CARMIL3: variants seen among roughly 807,000 people sequenced by gnomAD.
CARMIL3 encodes the protein capping protein regulator and myosin 1 linker 3.
CARMIL3 carries 88 observed loss-of-function variants against 180.8 expected under a neutral mutation model. That is an observed-to-expected ratio of 0.49 (90% CI 0.41 to 0.58). The LOEUF is 0.58. Ranked by LOEUF, CARMIL3 falls within the 20% of genes least tolerant of loss-of-function variation. The pLI is 0.00. For missense variants in CARMIL3, 1,548 were observed against 1,787.0 expected (o/e 0.87, Z 2.41); for synonymous variants, 696 against 714.5 (o/e 0.97, Z 0.41).
chr14:24,062,853 C>G lies in CARMIL3; in HGVS notation c.2706+7C>G, dbSNP rs780598927. 1.9e-6 allele frequency: 3 copies of G among 1,598,846 alleles called. No homozygotes were observed. Among genetic ancestry groups the G allele is most frequent in the African/African-American group, 2.7e-5 (2 of 74,428 alleles). On this transcript the variant is annotated splice_region_variant and intron_variant, in intron 29 of 39. Transcript: ENST00000342740. ...TGAACTTGGGACCAACATTGTGAGC[C>G]CCCCGCTCCCTGCTCCTCCTTAATA...
At chr14:24,056,021 C>T (rs546070861) in intron 10 of CARMIL3, among the ~76,000 whole-genome samples, 2 of 152,294 alleles carry the variant, frequency 1.3e-5, no homozygotes, top group East Asian at 1.9e-4. Flanking sequence ...TTCCATGCCC[C>T]GTCCTCTTTT....
In CARMIL3 at chr14:24,064,352, A is replaced by G. The variant is rs776161184; in HGVS notation, c.3080+6A>G. 65 of 1,595,948 alleles carry G rather than the reference A, an allele frequency of 4.1e-5. No individual in the cohort carries two copies. The Middle Eastern group carries it at 3.5e-3, about 86-fold the overall frequency. Reference sequence around the variant, plus strand: ...GTCCTGGAGGAAAGTTCTAGGTGTGATGCCTAAACACACTCCCATTTTCAG... The same window carrying G: ...GTCCTGGAGGAAAGTTCTAGGTGTGGTGCCTAAACACACTCCCATTTTCAG... On this transcript the variant is annotated splice_donor_region_variant and intron_variant, in intron 32 of 39. Transcript: ENST00000342740.
At chr14:24,064,846 GA>G in intron 32 of CARMIL3, 111 bp from the exon 33 acceptor site, 2 of 1,104,600 alleles carry the variant, frequency 1.8e-6, no homozygotes, top group East Asian at 5.0e-5. Flanking sequence ...GAACTAAGTG[GA>G]AAGGGCTGCA....
intron 1 of CARMIL3, among the ~76,000 whole-genome samples, chr14:24,052,720 T>C (rs951078566): frequency 1.3e-5 from 2 of 152,178 alleles, no homozygotes; most frequent in African/African-American, 4.8e-5. Flanking sequence ...AGGCCCTGGA[T>C]TGGAGCTAAA....
chr14:24,062,326 C>G, intron 27 of CARMIL3, 154 bp from the exon 28 acceptor site: 3 of 732,644 alleles, frequency 4.1e-6, no homozygotes, highest in Admixed American at 1.9e-5. Context: ...GTGTCAAGGG[C>G]TAGGCTGCCT....
intron 14 of CARMIL3, 42 bp downstream of exon 14, chr14:24,057,286 G>C: frequency 3.8e-6 from 6 of 1,590,180 alleles, no homozygotes; most frequent in Non-Finnish European, 5.2e-6. Flanking sequence ...GGTGATTTGG[G>C]GAAGACCACA....
In CARMIL3 at chr14:24,056,379, C is replaced by T. The variant is rs1304755290; in HGVS notation, c.851C>T (p.Pro284Leu). ...CATGCCCTCACTCTGTCCCACAACC[C>T]CATCGAGGACAAGGGTGAGCCCCAG... ...VLHALTLSHN[P>L]IEDKGFLSLS... The change falls in exon 11 of 40, where the codon CCC (proline) becomes CTC (leucine). Residue 284 changes from proline to leucine, a missense_variant. Around this residue, in one of 4 missense-constraint regions of CARMIL3, gnomAD observed 578 missense variants for 666.5 expected, o/e 0.87. Coordinates refer to ENST00000342740, the MANE Select transcript of CARMIL3 (RefSeq NM_138360.4). 1.2e-6 allele frequency: 2 copies of T among 1,613,496 alleles called. No homozygotes were observed. The highest frequency in any genetic ancestry group is 1.3e-5 in the African/African-American group (1 of 74,962).
chr14:24,060,621 G>A lies in CARMIL3; in HGVS notation c.2062-7G>A. On this transcript the variant is annotated splice_polypyrimidine_tract_variant and splice_region_variant and intron_variant, in intron 24 of 39. Coordinates refer to ENST00000342740, the MANE Select transcript of CARMIL3 (RefSeq NM_138360.4). ...GTCCCCTTGACACCCCTGCCACTGT[G>A]CTCCAGATGCTGCAGCGGCTGTGTG... 1 of 1,613,600 alleles carries A rather than the reference G, an allele frequency of 6.2e-7. No individual in the cohort carries two copies. The highest frequency in any genetic ancestry group is 8.5e-7 in the Non-Finnish European group (1 of 1,179,830).
chr14:24,062,096 A>G (rs1415223726), intron 27 of CARMIL3: 1 of 344,088 alleles, frequency 2.9e-6, no homozygotes, highest in Non-Finnish European at 5.4e-6. Context: ...ACACATACCT[A>G]TGAAACAGCT....
In CARMIL3 at chr14:24,054,167, C is replaced by T. The variant is rs202036553; in HGVS notation, c.186+29C>T. 12 of 1,614,106 alleles carry T rather than the reference C, an allele frequency of 7.4e-6. No individual in the cohort carries two copies. In the African/African-American group the frequency reaches 1.2e-4, roughly 16 times the overall value. On this transcript the variant is annotated intron_variant, in intron 3 of 39. Transcript: ENST00000342740. This position sits in a 1 kb window ranked among gnomAD's most constrained non-coding sequence, Gnocchi z 5.1. ...AGTTGGGCTGAGGAGCAGGAGAGCA[C>T]CTGGCATGCTCCCTACCTCCCAAGC... is the stretch of plus-strand genomic sequence containing the variant.
At position 24,056,950 on chromosome 14, in the gene CARMIL3, C is replaced by A. The variant is rs142872742; in HGVS notation, c.988C>A (p.Pro330Thr). Residue 330 changes from proline to threonine, a missense_variant, in exon 13 of 40, where the codon CCA becomes ACA. By Grantham distance (38) the Pro-to-Thr change is conservative. This residue lies in a region of CARMIL3 where 578 missense variants were observed against 666.5 expected (regional missense o/e 0.87). Coordinates refer to ENST00000342740, the MANE Select transcript of CARMIL3 (RefSeq NM_138360.4). ...QALGQTFGAN[P>T]AFASSLRYLD... is the part of the protein sequence containing the mutation. ...ACTCGGCCAGACCTTCGGGGCAAAC[C>A]CAGCATTTGCCAGCTCCCTTCGATA... 1.2e-6 allele frequency: 2 copies of A among 1,614,104 alleles called. No homozygotes were observed. The highest frequency in any genetic ancestry group is 1.7e-6 in the Non-Finnish European group (2 of 1,180,014).
chr14:24,059,752 G>C lies in CARMIL3; in HGVS notation c.1868+20G>C. ...GGAGAGGTGAGTAGACCATGGTCCT[G>C]CCCTGATCCAAGTCCCCAGCCTCCC... On this transcript the variant is annotated intron_variant, in intron 22 of 39. Transcript: ENST00000342740. This position sits in a 1 kb window ranked among gnomAD's most constrained non-coding sequence, Gnocchi z 6.3. The C allele has an allele frequency of 1.9e-6, 3 of 1,613,108 alleles. No homozygotes were observed. Among genetic ancestry groups the C allele is most frequent in the Non-Finnish European group, 2.5e-6 (3 of 1,179,322 alleles).
Position 24,068,813 on chromosome 14 carries a change from C to T in CARMIL3, c.3829C>T (p.Pro1277Ser). 6.2e-7 allele frequency: 1 copy of T among 1,613,922 alleles called. No homozygotes were observed. Among genetic ancestry groups the T allele is most frequent in the South Asian group, 1.1e-5 (1 of 91,082 alleles). Residue 1277 changes from proline to serine, a missense_variant, in exon 38 of 40, where the codon CCT becomes TCT. This residue lies in a region of CARMIL3 where 668 missense variants were observed against 687.8 expected (regional missense o/e 0.97). Coordinates refer to ENST00000342740, the MANE Select transcript of CARMIL3 (RefSeq NM_138360.4). ...ACAGGACCCCGCTCTAGCTCCATGG[C>T]CTCCCAAGCCAGTGGCTGTGCCCAG... The part of the protein sequence containing the change: ...KLQDPALAPW[P>S]PKPVAVPRGR...
chr14:24,061,442 G>A lies in CARMIL3; in HGVS notation c.2305-55G>A. 6.4e-7 allele frequency: 1 copy of A among 1,556,274 alleles called. No individual in the cohort carries two copies. Among genetic ancestry groups the A allele is most frequent in the South Asian group, 1.2e-5 (1 of 84,126 alleles). On this transcript the variant is annotated intron_variant, in intron 26 of 39. Coordinates refer to ENST00000342740, the MANE Select transcript of CARMIL3 (RefSeq NM_138360.4). This position sits in a 1 kb window ranked among gnomAD's most constrained non-coding sequence, Gnocchi z 4.1. ...TAGATAAAGTCTCTTCTGCTGTGGT[G>A]CCAGCCCTGATCCTGTCCCCCTTGG...
chr14:24,068,155 T>C (rs2035808696), intron 36 of CARMIL3, among the ~76,000 whole-genome samples: 1 of 152,070 alleles, frequency 6.6e-6, no homozygotes, highest in South Asian at 2.1e-4. Context: ...TCCCAACACT[T>C]TGGGAGACCG....
In CARMIL3 at chr14:24,064,318, A is replaced by T; in HGVS notation, c.3052A>T (p.Ser1018Cys). ...RLDEGLEDFF[S>C]RRVLEESSSY... Reference sequence around the variant, plus strand: ...GGATGAAGGGCTGGAGGACTTCTTCAGCCGAAGGGTCCTGGAGGAAAGTTC... The same window carrying T: ...GGATGAAGGGCTGGAGGACTTCTTCTGCCGAAGGGTCCTGGAGGAAAGTTC... The change falls in exon 32 of 40, where the codon AGC (serine) becomes TGC (cysteine). Residue 1018 changes from serine (S) to cysteine (C), a missense_variant. Physicochemically the swap from Ser to Cys is moderately radical, Grantham distance 112. Around this residue, in one of 4 missense-constraint regions of CARMIL3, gnomAD observed 668 missense variants for 687.8 expected, o/e 0.97. Transcript: ENST00000342740. 1 of 1,612,364 alleles carries T rather than the reference A, an allele frequency of 6.2e-7. No individual in the cohort carries two copies. Among genetic ancestry groups the T allele is most frequent in the Non-Finnish European group, 8.5e-7 (1 of 1,179,212 alleles).
At chr14:24,064,175 T>TGGGAGGTGGG in intron 31 of CARMIL3, 71 bp from the exon 32 acceptor site, 4 of 978,606 alleles carry the variant, frequency 4.1e-6, no homozygotes, top group Non-Finnish European at 6.4e-6. Context: ...CAAAGGGGAA[T>TGGGAGGTGGG]GCTCTGAGTG....
chr14:24,068,758 T>G, intron 37 of CARMIL3, 28 bp from the exon 38 acceptor site: 1 of 1,613,998 alleles, frequency 6.2e-7, no homozygotes, highest in South Asian at 1.1e-5. Flanking sequence ...AGGGACTAAC[T>G]GACCCAGCAT....
chr14:24,053,785 G>A lies in CARMIL3; in HGVS notation c.117G>A (p.Lys39=), dbSNP rs756102569. The stretch of plus-strand genomic sequence containing the variant: ...TGAAGTTGGAGACAAAGCCCAAGAA[G>A]TTTGAGGACCGAGTGCTGGTGAGGG... The part of the protein sequence containing the change: ...HHVKLETKPK[K]FEDRVLALTS... The change falls in exon 2 of 40, where the codon AAG becomes AAA. Residue 39 remains lysine (K), a synonymous_variant. Coordinates refer to ENST00000342740, the MANE Select transcript of CARMIL3 (RefSeq NM_138360.4). The A allele has an allele frequency of 1.2e-6, 2 of 1,613,418 alleles. No homozygotes were observed. Among genetic ancestry groups the A allele is most frequent in the East Asian group, 4.5e-5 (2 of 44,876 alleles).
Sources: gnomAD v4.1 joint callset for allele counts (sites outside exome capture counted in the v4.1 genomes callset) on GRCh38, gnomAD v4.1.1 for gene constraint, gnomAD v4.1.1 regional missense constraint, Gnocchi (gnomAD v3.1) non-coding constraint, MANE v1.5 for transcripts, NCBI Gene and HGNC (gene_info 2026-07-23, HGNC 2026-07-21) for gene names.